Variants in KIAA1328 observed in about 807,000 individuals in gnomAD.
The protein encoded by KIAA1328 is KIAA1328.
KIAA1328 carries 52 observed loss-of-function variants against 68.1 expected under a neutral mutation model. The ratio of observed to expected loss-of-function variants is 0.76; its 90% CI spans 0.61 to 0.96. The LOEUF (loss-of-function observed/expected upper bound fraction) is 0.96. Among genes scored for constraint, KIAA1328 ranks in the 40% least tolerant of loss-of-function variants. KIAA1328 has a pLI of 0.00. For synonymous variants in KIAA1328, 232 were observed against 239.4 expected (o/e 0.97, Z 0.28); for missense variants, 641 against 677.6 (o/e 0.95, Z 0.60).
chr18:37,025,213 A>G (rs2054518622), intron 6 of KIAA1328, among the ~76,000 whole-genome samples: 1 of 152,146 alleles, frequency 6.6e-6, no homozygotes, highest in African/African-American at 2.4e-5. Flanking sequence ...GAGCACCCAG[A>G]TTCATAAAGC....
chr18:36,887,431 A>G (rs961039134), intron 5 of KIAA1328, among the ~76,000 whole-genome samples: 1 of 152,090 alleles, frequency 6.6e-6, no homozygotes, highest in African/African-American at 2.4e-5. Flanking sequence ...TAACATTTTC[A>G]GTGCTGGCAG....
At chr18:37,080,179 A>G (rs2056902015) in intron 7 of KIAA1328, among the ~76,000 whole-genome samples, 1 of 152,114 alleles carries the variant, frequency 6.6e-6, no homozygotes, top group African/African-American at 2.4e-5. Flanking sequence ...ACTCACATAA[A>G]ATAGTTTGAG....
intron 5 of KIAA1328, among the ~76,000 whole-genome samples, chr18:36,938,714 A>G (rs1288462094): frequency 6.6e-6 from 1 of 152,172 alleles, no homozygotes; most frequent in Non-Finnish European, 1.5e-5. Context: ...CTGTAGTTTT[A>G]GGATGTACAT....
In KIAA1328 at chr18:37,224,615, C is replaced by T. The variant is rs1302631409; in HGVS notation, c.*2388C>T. 7 of 976,802 alleles carry T rather than the reference C, an allele frequency of 7.2e-6. No homozygotes were observed. The highest frequency in any genetic ancestry group is 8.5e-6 in the Non-Finnish European group (7 of 822,226). 60.5% of individuals were successfully genotyped at this position (976,802 alleles called of 1,614,324 possible). A position where few individuals can be genotyped will look rare whatever the true frequency, so the allele number is the denominator to read the frequency against. On this transcript the variant is annotated 3_prime_UTR_variant, in exon 10 of 10. Transcript: ENST00000280020. ...AAATTTACTTTGAAATATATACATA[C>T]ATATGAATGAAAGGTTGTTACAGAG...
chr18:37,054,312 A>G (rs551481316), intron 6 of KIAA1328, among the ~76,000 whole-genome samples: 1 of 152,210 alleles, frequency 6.6e-6, no homozygotes, highest in Non-Finnish European at 1.5e-5. Flanking sequence ...ACTACTAGAT[A>G]TCTACCCAAA....
chr18:37,192,963 A>G (rs2059934608), intron 9 of KIAA1328, among the ~76,000 whole-genome samples: 1 of 152,182 alleles, frequency 6.6e-6, no homozygotes, highest in Non-Finnish European at 1.5e-5. Context: ...AAATAATTTT[A>G]TTTTTATACT....
At chr18:36,961,676 A>G (rs1209787632) in intron 6 of KIAA1328, among the ~76,000 whole-genome samples, 2 of 152,194 alleles carry the variant, frequency 1.3e-5, no homozygotes, top group Admixed American at 6.5e-5. Flanking sequence ...ATTCTTAAAG[A>G]AAAGAATTTT....
chr18:37,150,485 G>A (rs934067446), intron 7 of KIAA1328, among the ~76,000 whole-genome samples: 3 of 151,818 alleles, frequency 2.0e-5, no homozygotes, highest in African/African-American at 4.8e-5. Context: ...AACTTCTTTT[G>A]TGAGGTCTGA....
Position 37,066,940 on chromosome 18 carries a change from T to C in KIAA1328, c.627T>C (p.Gly209=), listed in dbSNP as rs976053320. 1 of 1,610,122 alleles carries C rather than the reference T, an allele frequency of 6.2e-7. No individual in the cohort carries two copies. The highest frequency in any genetic ancestry group is 1.3e-5 in the African/African-American group (1 of 74,900). The change falls in exon 7 of 10, where the codon GGT becomes GGC. Residue 209 remains glycine (G), a synonymous_variant. Coordinates refer to ENST00000280020, the MANE Select transcript of KIAA1328 (RefSeq NM_020776.3). ...TLQCSSVELD[G]SYLSIARPQT... ...AGTGTTCATCTGTGGAACTGGATGG[T>C]TCCTACTTGAGCATAGCCAGACCAC...
At chr18:37,178,157 CCTAT>C (rs771757319) in intron 9 of KIAA1328, among the ~76,000 whole-genome samples, 21 of 152,200 alleles carry the variant, frequency 1.4e-4, no homozygotes, top group Non-Finnish European at 2.1e-4. Flanking sequence ...ACTTATTCCT[CCTAT>C]CTAACTGTAA....
chr18:37,043,090 T>TA (rs1014814874), intron 6 of KIAA1328, among the ~76,000 whole-genome samples: 15 of 151,800 alleles, frequency 9.9e-5, no homozygotes, highest in African/African-American at 2.9e-4. Context: ...TTCTTTGTTG[T>TA]AAAAAAAAAT....
chr18:37,128,472 C>T lies in KIAA1328; in HGVS notation c.1233-31728C>T, dbSNP rs1396803428. On this transcript the variant is annotated intron_variant, in intron 7 of 9. Transcript: ENST00000280020. Reference sequence around the variant, plus strand: ...TCGGTGACAGAGCAAGATCCTGTCTCAAACAAACAAAAATCACTAATCATA... The same window carrying T: ...TCGGTGACAGAGCAAGATCCTGTCTTAAACAAACAAAAATCACTAATCATA... Among the ~76,000 whole-genome samples the T allele has an allele frequency of 3.9e-5, 6 of 152,218 alleles. No homozygotes were observed. In the South Asian group the frequency reaches 1.2e-3, roughly 32 times the overall value.
At chr18:37,052,940 T>C (rs542243122) in intron 6 of KIAA1328, among the ~76,000 whole-genome samples, 1 of 152,298 alleles carries the variant, frequency 6.6e-6, no homozygotes, top group South Asian at 2.1e-4. Context: ...ATAGATTCAG[T>C]GCAAACCCTA....
intron 6 of KIAA1328, among the ~76,000 whole-genome samples, chr18:37,040,962 T>G (rs1599054692): frequency 6.6e-6 from 1 of 151,882 alleles, no homozygotes; most frequent in East Asian, 1.9e-4. Flanking sequence ...AATTTTTTAA[T>G]TTTAAAAAAA....
At chr18:36,934,171 A>G (rs1311093323) in intron 5 of KIAA1328, among the ~76,000 whole-genome samples, 5 of 152,172 alleles carry the variant, frequency 3.3e-5, no homozygotes, top group Non-Finnish European at 7.4e-5. Flanking sequence ...GCTGGGAACT[A>G]GCATCTGACA....
intron 5 of KIAA1328, among the ~76,000 whole-genome samples, chr18:36,901,774 G>A (rs72887045): frequency 0.14 from 20,677 of 151,964 alleles, 1,753 homozygotes; most frequent in Admixed American, 0.18. Flanking sequence ...CTAAAAATAT[G>A]TTAGAACTGA....
chr18:37,078,982 A>G (rs1186666003), intron 7 of KIAA1328, among the ~76,000 whole-genome samples: 5 of 151,940 alleles, frequency 3.3e-5, no homozygotes, highest in Non-Finnish European at 2.9e-5. Flanking sequence ...ATTACTGGGT[A>G]TATACCCAAA....
intron 7 of KIAA1328, among the ~76,000 whole-genome samples, chr18:37,110,880 C>T (rs2057911588): frequency 6.6e-6 from 1 of 152,146 alleles, no homozygotes; most frequent in Non-Finnish European, 1.5e-5. Context: ...AATAATCCTA[C>T]AGAAAAAAGT....
chr18:37,067,620 G>T, intron 7 of KIAA1328, 75 bp downstream of exon 7: 13 of 1,390,796 alleles, frequency 9.3e-6, no homozygotes, highest in Non-Finnish European at 1.2e-5. Flanking sequence ...GAGTGTAGTG[G>T]CACAATCTCA....
Sources: allele counts gnomAD v4.1 joint callset (sites outside exome capture counted in the v4.1 genomes callset), GRCh38; gene constraint gnomAD v4.1.1; transcripts MANE v1.5; gene names NCBI Gene and HGNC (gene_info 2026-07-23, HGNC 2026-07-21).